CREBBP: variants seen among roughly 807,000 people sequenced by gnomAD.
The protein encoded by CREBBP is CREB binding lysine acetyltransferase.
In CREBBP, 19 loss-of-function variants were observed where a neutral mutation model predicts 265.0. The observed-to-expected ratio is 0.07, with a 90% CI of 0.05 to 0.11. CREBBP has a LOEUF of 0.11. Among genes scored for constraint, CREBBP ranks in the 10% least tolerant of loss-of-function variants. The probability of loss-of-function intolerance (pLI) is 1.00; values close to 1 mark genes in which losing one functional copy is unlikely to be tolerated. For missense variants in CREBBP, 2,525 were observed against 3,219.0 expected (o/e 0.78, Z 5.22); for synonymous variants, 1,457 against 1,223.7 (o/e 1.19, Z -3.98).
intron 23 of CREBBP, among the ~76,000 whole-genome samples, chr16:3,744,468 T>A (rs1341479163): frequency 6.6e-6 from 1 of 152,230 alleles, no homozygotes; most frequent in Non-Finnish European, 1.5e-5. Context: ...CATGCGCTGA[T>A]CATAAATGCT....
chr16:3,767,814 T>C lies in CREBBP; in HGVS notation c.3156A>G (p.Lys1052=), dbSNP rs1276091062. The change falls in exon 16 of 31, where the codon AAA becomes AAG. Residue 1052 remains lysine (K), a synonymous_variant. Transcript: ENST00000262367. The part of the protein sequence containing the change: ...KSEPMEVDEK[K]PEVKVEVKEE... ...CTTTAACTTCTACTTTCACTTCAGGTTTCTTTTCATCCACTTCCATTGGTT... is the reference window on the plus strand; with the variant it reads ...CTTTAACTTCTACTTTCACTTCAGGCTTCTTTTCATCCACTTCCATTGGTT... 2 of 1,614,202 alleles carry C rather than the reference T, an allele frequency of 1.2e-6. No individual in the cohort carries two copies. Among genetic ancestry groups the C allele is most frequent in the Non-Finnish European group, 8.5e-7 (1 of 1,180,020 alleles).
chr16:3,850,873 T>A lies in CREBBP; in HGVS notation c.222A>T (p.Leu74=), dbSNP rs138944525. The part of the protein sequence containing the change: ...ASKHKQLSEL[L]RGGSGSSINP... ...TGATACTAGAGCCGCTGCCTCCTCG[T>A]AGAAGCTCCGACAGTTGTTTATGTT... Residue 74 remains leucine, a synonymous_variant, in exon 2 of 31, where the codon CTA becomes CTT. Transcript: ENST00000262367. 7.4e-6 allele frequency: 12 copies of A among 1,614,072 alleles called. No individual in the cohort carries two copies. In the African/African-American group the frequency reaches 1.6e-4, roughly 22 times the overall value.
At chr16:3,738,523 T>G in intron 26 of CREBBP, 36 bp downstream of exon 26, 5 of 1,248,882 alleles carry the variant, frequency 4.0e-6, no homozygotes, top group Non-Finnish European at 5.9e-6. Flanking sequence ...AAATAAAGGG[T>G]TCTTACTAGT....
At chr16:3,774,513 T>C in intron 12 of CREBBP, 56 bp downstream of exon 12, 1 of 1,611,196 alleles carries the variant, frequency 6.2e-7, no homozygotes, top group Non-Finnish European at 8.5e-7. Flanking sequence ...GCTGCTTAGA[T>C]AATGTTCCAT....
At position 3,803,844 on chromosome 16, in the gene CREBBP, G is replaced by T. The variant is rs377701207; in HGVS notation, c.975+6759C>A. On this transcript the variant is annotated intron_variant, in intron 3 of 30. Coordinates refer to ENST00000262367, the MANE Select transcript of CREBBP (RefSeq NM_004380.3). ...ACCTGTGATGCTAGCACTTTGGGAG[G>T]CCCAGGTGGGTGGATCTCCTGAGCT... Among the ~76,000 whole-genome samples the T allele has an allele frequency of 3.3e-5, 5 of 152,210 alleles. No individual in the cohort carries two copies. The East Asian group carries it at 7.7e-4, about 24-fold the overall frequency.
chr16:3,744,869 A>G (rs1423390168), intron 23 of CREBBP, 25 bp downstream of exon 23: 1 of 1,586,174 alleles, frequency 6.3e-7, no homozygotes, highest in East Asian at 2.2e-5. Context: ...GCAGTCCAGG[A>G]AACAGAAAGC....
Position 3,880,050 on chromosome 16 carries a change from G to A in CREBBP, c.-134C>T, listed in dbSNP as rs1021296124. On this transcript the variant is annotated 5_prime_UTR_variant, in exon 1 of 31. Coordinates refer to ENST00000262367, the MANE Select transcript of CREBBP (RefSeq NM_004380.3). ...CGCGAGCGGGCGGGCGGGCGCCGAG[G>A]GAGAGGGAGGGCGCAGGCCGGGTGG... 3 of 577,034 alleles carry A rather than the reference G, an allele frequency of 5.2e-6. No homozygotes were observed. The highest frequency in any genetic ancestry group is 7.7e-5 in the South Asian group (1 of 12,972). The allele number at this position is 577,034 out of a possible 1,614,324, so 35.7% of individuals were successfully genotyped here.
intron 2 of CREBBP, among the ~76,000 whole-genome samples, chr16:3,821,167 G>A (rs78706410): frequency 2.3e-4 from 35 of 152,282 alleles, no homozygotes; most frequent in African/African-American, 8.2e-4. Context: ...TTATCATTAG[G>A]TGATCTTTAA....
At chr16:3,815,592 G>T (rs2054022735) in intron 2 of CREBBP, among the ~76,000 whole-genome samples, 1 of 147,828 alleles carries the variant, frequency 6.8e-6, no homozygotes, top group African/African-American at 2.5e-5. Context: ...TTTCAATGGA[G>T]GTTCATCAGG....
At position 3,726,113 on chromosome 16, in the gene CREBBP, G is replaced by C. The variant is rs2051735967; in HGVS notation, c.*1605C>G. ...CCGGAGCTGGTGCTCCAAGGTGTCTGTCCCTCAGCATTTCCTCAAACGCCA... is the reference window on the plus strand; with the variant it reads ...CCGGAGCTGGTGCTCCAAGGTGTCTCTCCCTCAGCATTTCCTCAAACGCCA... On this transcript the variant is annotated 3_prime_UTR_variant, in exon 31 of 31. Transcript: ENST00000262367. The C allele has an allele frequency of 4.3e-6, 1 of 233,134 alleles. No individual in the cohort carries two copies. Among genetic ancestry groups the C allele is most frequent in the Non-Finnish European group, 8.5e-6 (1 of 118,038 alleles). The allele number at this position is 233,134 out of a possible 1,614,324, so 14.4% of individuals were successfully genotyped here. A position where few individuals can be genotyped will look rare whatever the true frequency, so the allele number is the denominator to read the frequency against.
chr16:3,738,862 C>T (rs1191167873), intron 25 of CREBBP, among the ~76,000 whole-genome samples, 190 bp from the exon 26 acceptor site: 6 of 152,226 alleles, frequency 3.9e-5, no homozygotes, highest in Non-Finnish European at 1.5e-5. Context: ...CCTCCTGCCT[C>T]AGACTCCCAC....
At chr16:3,751,954 A>G (rs2052484219) in intron 19 of CREBBP, 148 bp from the exon 20 acceptor site, 1 of 741,516 alleles carries the variant, frequency 1.3e-6, no homozygotes, top group South Asian at 1.5e-5. Context: ...AGGACAATGA[A>G]AGGAACAGGG....
intron 2 of CREBBP, among the ~76,000 whole-genome samples, chr16:3,826,713 G>C (rs1435918121): frequency 6.6e-6 from 1 of 152,156 alleles, no homozygotes; most frequent in African/African-American, 2.4e-5. Context: ...GAAAGGCTGA[G>C]AAAACGTCAC....
At chr16:3,853,818 T>C in intron 1 of CREBBP, among the ~76,000 whole-genome samples, 1 of 151,834 alleles carries the variant, frequency 6.6e-6, no homozygotes, top group Non-Finnish European at 1.5e-5. Flanking sequence ...GCGCCTGTAA[T>C]TGCAGCTACT....
At chr16:3,865,836 C>A (rs559717079) in intron 1 of CREBBP, among the ~76,000 whole-genome samples, 10 of 152,268 alleles carry the variant, frequency 6.6e-5, no homozygotes, top group African/African-American at 2.2e-4. Flanking sequence ...CGGGGTTTCA[C>A]CATGTTGGCC....
chr16:3,781,069 A>G, intron 7 of CREBBP, 135 bp downstream of exon 7: 1 of 1,036,736 alleles, frequency 9.6e-7, no homozygotes, highest in Non-Finnish European at 1.4e-6. Flanking sequence ...AAAGAAAAAA[A>G]GGAAAACAGC....
chr16:3,848,499 C>T (rs183715599), intron 2 of CREBBP, among the ~76,000 whole-genome samples: 1 of 152,080 alleles, frequency 6.6e-6, no homozygotes, highest in African/African-American at 2.4e-5. Context: ...CTGCACTGGA[C>T]GGATGATGAA....
rs1475170942 is a variant in CREBBP, at chr16:3,850,606, A to T, written c.489T>A (p.Thr163=). Residue 163 remains threonine, a synonymous_variant, in exon 2 of 31, where the codon ACT becomes ACA. Coordinates refer to ENST00000262367, the MANE Select transcript of CREBBP (RefSeq NM_004380.3). ...PQAQKQVGLA[T]SSPATSQTGP... is the part of the protein sequence containing the mutation. ...CAGTCTGTGACGTGGCAGGGCTGCTAGTCGCCAGCCCCACTTGCTTTTGTG... is the reference window on the plus strand; with the variant it reads ...CAGTCTGTGACGTGGCAGGGCTGCTTGTCGCCAGCCCCACTTGCTTTTGTG... 1.9e-6 allele frequency: 3 copies of T among 1,614,224 alleles called. No homozygotes were observed. The highest frequency in any genetic ancestry group is 2.5e-6 in the Non-Finnish European group (3 of 1,180,044).
intron 3 of CREBBP, among the ~76,000 whole-genome samples, chr16:3,804,186 C>T (rs1435227269): frequency 1.3e-5 from 2 of 152,224 alleles, no homozygotes; most frequent in Non-Finnish European, 2.9e-5. Context: ...GTCAAAGTGA[C>T]TGCTGGACCA....
Sources: allele counts gnomAD v4.1 joint callset (sites outside exome capture counted in the v4.1 genomes callset), GRCh38; gene constraint gnomAD v4.1.1; transcripts MANE v1.5; gene names NCBI Gene and HGNC (gene_info 2026-07-23, HGNC 2026-07-21).